The following PITPNC1 variants were observed in gnomAD, a reference collection of about 807,000 sequenced individuals.
PITPNC1 encodes the protein phosphatidylinositol transfer protein cytoplasmic 1, also known as cytoplasmic phosphatidylinositol transfer protein 1.
Under a neutral mutation model 44.7 loss-of-function variants are expected in PITPNC1, and 18 were observed. That is an observed-to-expected ratio of 0.40 (90% CI 0.28 to 0.60). PITPNC1 has a LOEUF of 0.60. Among genes scored for constraint, PITPNC1 ranks in the 20% least tolerant of loss-of-function variants. The pLI is 0.39. For missense variants in PITPNC1, 290 were observed against 418.4 expected, an observed-to-expected ratio of 0.69 and a Z score of 2.68; for synonymous variants, 141 against 149.6, an observed-to-expected ratio of 0.94 and a Z score of 0.42.
In PITPNC1 at chr17:67,674,324, C is replaced by A. The variant is rs2042564098; in HGVS notation, c.619-1155C>A. On this transcript the variant is annotated intron_variant, in intron 7 of 8. Transcript: ENST00000581322. ...TTTGAGACCAGCCTGGACAACATGG[C>A]GAAACCCTGTCTGTACTAAAAATAC... Among the ~76,000 whole-genome samples, 3 of 151,886 alleles carry A rather than the reference C, an allele frequency of 2.0e-5. No individual in the cohort carries two copies. In the South Asian group the frequency reaches 6.3e-4, roughly 32 times the overall value.
At chr17:67,484,456 T>C (rs1171266843) in intron 1 of PITPNC1, among the ~76,000 whole-genome samples, 1 of 152,226 alleles carries the variant, frequency 6.6e-6, no homozygotes, top group Non-Finnish European at 1.5e-5. Flanking sequence ...TCTAGCTCAG[T>C]CGCCACATAA....
chr17:67,610,815 G>A (rs1417341001), intron 5 of PITPNC1, among the ~76,000 whole-genome samples: 1 of 151,866 alleles, frequency 6.6e-6, no homozygotes, highest in Non-Finnish European at 1.5e-5. Context: ...CAGCTACTCG[G>A]GAGGCTGAGG....
intron 6 of PITPNC1, among the ~76,000 whole-genome samples, chr17:67,663,160 T>G (rs2042372554): frequency 1.3e-5 from 2 of 152,204 alleles, no homozygotes; most frequent in Admixed American, 1.3e-4. Flanking sequence ...TTTCATTGTA[T>G]GGATATAACA....
chr17:67,395,336 G>A (rs2038202403), intron 1 of PITPNC1, among the ~76,000 whole-genome samples: 1 of 151,944 alleles, frequency 6.6e-6, no homozygotes, highest in South Asian at 2.1e-4. Context: ...GATGGGCGGG[G>A]AGGTGTCTTG....
chr17:67,583,043 A>C (rs968730163), intron 5 of PITPNC1, among the ~76,000 whole-genome samples: 3 of 152,252 alleles, frequency 2.0e-5, no homozygotes, highest in African/African-American at 7.2e-5. Context: ...AAGTTTTAAC[A>C]ACTCATGCCT....
intron 1 of PITPNC1, among the ~76,000 whole-genome samples, chr17:67,515,978 G>T (rs2040253444): frequency 6.6e-6 from 1 of 152,186 alleles, no homozygotes; most frequent in Admixed American, 6.5e-5. Context: ...GGGCGGCTGT[G>T]CTTCCTTTCA....
At chr17:67,473,995 C>A (rs1424123644) in intron 1 of PITPNC1, among the ~76,000 whole-genome samples, 4 of 152,214 alleles carry the variant, frequency 2.6e-5, no homozygotes, top group African/African-American at 7.2e-5. Flanking sequence ...TGTGGACTCA[C>A]AAGTACTTAT....
intron 1 of PITPNC1, among the ~76,000 whole-genome samples, chr17:67,388,877 C>G: frequency 6.6e-6 from 1 of 152,328 alleles, no homozygotes; most frequent in East Asian, 1.9e-4. Flanking sequence ...GCCTCGGCCT[C>G]CCAAAGTGAG....
At chr17:67,409,838 C>G (rs2038465664) in intron 1 of PITPNC1, among the ~76,000 whole-genome samples, 1 of 152,152 alleles carries the variant, frequency 6.6e-6, no homozygotes, top group South Asian at 2.1e-4. Context: ...GTGCCTGGCC[C>G]ACATCATTCA....
At chr17:67,642,013 G>A (rs1416605623) in intron 6 of PITPNC1, among the ~76,000 whole-genome samples, 1 of 151,984 alleles carries the variant, frequency 6.6e-6, no homozygotes, top group African/African-American at 2.4e-5. Flanking sequence ...GATTTTCCTA[G>A]ATATAACAAA....
chr17:67,453,808 T>C (rs1475135794), intron 1 of PITPNC1, among the ~76,000 whole-genome samples: 3 of 152,238 alleles, frequency 2.0e-5, no homozygotes, highest in Admixed American at 2.0e-4. Context: ...TAATGTTTCC[T>C]ATCATCATGG....
chr17:67,494,185 T>TTTCTTTCTTTCTTTC (rs2039904517), intron 1 of PITPNC1, among the ~76,000 whole-genome samples: 1 of 102,428 alleles, frequency 9.8e-6, no homozygotes, highest in African/African-American at 3.8e-5. Context: ...CTTTCTTTCT[T>TTTCTTTCTTTCTTTC]TTTCTTTCTT....
At position 67,622,745 on chromosome 17, in the gene PITPNC1, G is replaced by A. The variant is rs562069758; in HGVS notation, c.367-9398G>A. Among the ~76,000 whole-genome samples, 110 of 151,926 alleles carry A rather than the reference G, an allele frequency of 7.2e-4. 2 individuals are homozygous for A. The highest frequency in any genetic ancestry group is 2.4e-3 in the African/African-American group (98 of 41,422). ...ACAAAAATTAGCCAGGTGTGGTGGC[G>A]CATGCCTGTAGTCCCAGCTACTTGG... On this transcript the variant is annotated intron_variant, in intron 5 of 8. Coordinates refer to ENST00000581322, the MANE Select transcript of PITPNC1 (RefSeq NM_012417.4).
intron 1 of PITPNC1, among the ~76,000 whole-genome samples, chr17:67,522,342 G>A (rs1038159594): frequency 2.6e-5 from 4 of 151,728 alleles, no homozygotes; most frequent in Non-Finnish European, 5.9e-5. Flanking sequence ...CTTAGGGCAC[G>A]GCAAACAAAG....
chr17:67,463,310 T>G (rs1428949063), intron 1 of PITPNC1, among the ~76,000 whole-genome samples: 1 of 152,226 alleles, frequency 6.6e-6, no homozygotes, highest in East Asian at 1.9e-4. Context: ...TGATCAGTTT[T>G]TTTTTAAACT....
At chr17:67,513,997 G>A (rs528481475) in intron 1 of PITPNC1, among the ~76,000 whole-genome samples, 62 of 151,134 alleles carry the variant, frequency 4.1e-4, no homozygotes, top group Non-Finnish European at 8.3e-4. Flanking sequence ...CATGATCAGG[G>A]AAAGCAAAGA....
intron 1 of PITPNC1, among the ~76,000 whole-genome samples, chr17:67,505,563 A>G (rs2040089607): frequency 6.6e-6 from 1 of 152,192 alleles, no homozygotes; most frequent in South Asian, 2.1e-4. Context: ...TACTGTTTAC[A>G]TGACATATTT....
At chr17:67,553,932 C>T (rs2040800345) in intron 4 of PITPNC1, among the ~76,000 whole-genome samples, 1 of 152,136 alleles carries the variant, frequency 6.6e-6, no homozygotes, top group South Asian at 2.1e-4. Flanking sequence ...CAGTTTCTAG[C>T]AACGTGATAT....
Position 67,634,594 on chromosome 17 carries a change from A to G in PITPNC1, c.462+2356A>G, listed in dbSNP as rs532493004. On this transcript the variant is annotated intron_variant, in intron 6 of 8. Transcript: ENST00000581322. ...GGTCCCTCCCTTCAGGACACTTCCA[A>G]TCTAACAAATACCACGCAGAGAGTA... 2.8e-4 allele frequency among the ~76,000 whole-genome samples: 42 copies of G among 152,310 alleles called. 1 individual carries two copies. In the South Asian group the frequency reaches 8.5e-3, roughly 31 times the overall value.
Sources: gnomAD v4.1 joint callset for allele counts (sites outside exome capture counted in the v4.1 genomes callset) on GRCh38, gnomAD v4.1.1 for gene constraint, MANE v1.5 for transcripts, NCBI Gene and HGNC (gene_info 2026-07-23, HGNC 2026-07-21) for gene names.